TTC3: variants seen among roughly 807,000 people sequenced by gnomAD.
The protein encoded by TTC3 is E3 ubiquitin-protein ligase TTC3.
In TTC3, 180 loss-of-function variants were observed where a neutral mutation model predicts 249.6. The observed-to-expected ratio is 0.72, with a 90% CI of 0.64 to 0.82. TTC3 has a LOEUF of 0.82. Among genes scored for constraint, TTC3 ranks in the 40% least tolerant of loss-of-function variants. The probability of loss-of-function intolerance (pLI) is 0.00; values close to 1 mark genes in which losing one functional copy is unlikely to be tolerated. For missense variants in TTC3, 2,061 were observed against 2,398.4 expected, an observed-to-expected ratio of 0.86 and a Z score of 2.94; for synonymous variants, 717 against 805.0, an observed-to-expected ratio of 0.89 and a Z score of 1.85.
At chr21:37,099,116 G>A (rs560712013) in intron 10 of TTC3, 2 of 152,276 alleles carry the variant, frequency 1.3e-5, no homozygotes, top group East Asian at 3.9e-4. Context: ...TTAAAGTCTT[G>A]AATGCTAAAA....
At chr21:37,200,288 G>A (rs752129577) in exon 45 of TTC3, 7 of 1,614,072 alleles carry the variant, frequency 4.3e-6, no homozygotes, top group Admixed American at 1.7e-5. Flanking sequence ...CAAAAAACGT[G>A]CGTGTGCTCA....
intron 38 of TTC3, among the ~76,000 whole-genome samples, chr21:37,187,371 C>T (rs1457318995): frequency 1.3e-5 from 2 of 152,158 alleles, no homozygotes; most frequent in Non-Finnish European, 2.9e-5. Flanking sequence ...ATAGTGTACA[C>T]CAAATTTTGT....
intron 37 of TTC3, among the ~76,000 whole-genome samples, chr21:37,186,814 G>A (rs1459956079): frequency 2.6e-5 from 4 of 152,170 alleles, no homozygotes; most frequent in Non-Finnish European, 4.4e-5. Context: ...TTGATTCTCA[G>A]CATGCCCACC....
In TTC3 at chr21:37,097,907, G is replaced by T. The variant is rs929483053; in HGVS notation, c.845+1264G>T. ...ACATTTATTGTGTTTTTCTTTTATT[G>T]TAAACAGAACACATTCTCATGGTAG... On this transcript the variant is annotated intron_variant, in intron 10 of 45. Coordinates refer to ENST00000355666, the Ensembl canonical transcript of TTC3. The T allele has an allele frequency of 7.1e-6, 5 of 705,472 alleles. No individual in the cohort carries two copies. In the African/African-American group the frequency reaches 7.1e-5, roughly 10 times the overall value. 43.7% of individuals were successfully genotyped at this position (705,472 alleles called of 1,614,324 possible). A position where few individuals can be genotyped will look rare whatever the true frequency, so the allele number is the denominator to read the frequency against.
chr21:37,185,986 T>G (rs924305642), intron 37 of TTC3: 1 of 209,748 alleles, frequency 4.8e-6, no homozygotes. Flanking sequence ...ACAAGATTTC[T>G]GCATTTATTT....
At chr21:37,189,391 G>A (rs1289884477) in intron 39 of TTC3, among the ~76,000 whole-genome samples, 2 of 151,710 alleles carry the variant, frequency 1.3e-5, no homozygotes, top group Non-Finnish European at 2.9e-5. Context: ...GATTACAGGC[G>A]CGTGCCACAT....
chr21:37,111,063 A>G (rs1601509782), intron 11 of TTC3, among the ~76,000 whole-genome samples: 1 of 152,302 alleles, frequency 6.6e-6, no homozygotes, highest in East Asian at 1.9e-4. Context: ...AGCACTAAAC[A>G]TGGAAAGGAA....
At chr21:37,097,926 A>G (rs769750984) in intron 10 of TTC3, 70 of 713,164 alleles carry the variant, frequency 9.8e-5, no homozygotes, top group Non-Finnish European at 1.7e-4. Flanking sequence ...ACACATTCTC[A>G]TGGTAGAAAA....
chr21:37,132,318 C>A (rs2077533558), intron 16 of TTC3, among the ~76,000 whole-genome samples: 1 of 148,954 alleles, frequency 6.7e-6, no homozygotes, highest in Non-Finnish European at 1.5e-5. Context: ...AACTAATATT[C>A]AGATTCTATT....
chr21:37,108,808 C>T (rs2075329623), intron 11 of TTC3, among the ~76,000 whole-genome samples: 1 of 152,166 alleles, frequency 6.6e-6, no homozygotes, highest in Admixed American at 6.5e-5. Flanking sequence ...ACACACAGTG[C>T]ACAAATCAGC....
At chr21:37,096,160 A>G (rs952552353) in intron 9 of TTC3, among the ~76,000 whole-genome samples, 9 of 152,238 alleles carry the variant, frequency 5.9e-5, no homozygotes, top group Middle Eastern at 3.2e-3. Flanking sequence ...CTAAAAAACA[A>G]AAGTTCAAAT....
Position 37,087,084 on chromosome 21 carries a change from A to G in TTC3, c.-11-163A>G, listed in dbSNP as rs1601287993. The G allele has an allele frequency of 5.7e-6, 4 of 703,564 alleles. No homozygotes were observed. The East Asian group carries it at 1.1e-4, about 19-fold the overall frequency. 43.6% of individuals were successfully genotyped at this position (703,564 alleles called of 1,614,324 possible). A position where few individuals can be genotyped will look rare whatever the true frequency, so the allele number is the denominator to read the frequency against. On this transcript the variant is annotated intron_variant, in intron 1 of 45. Transcript: ENST00000355666. Reference sequence around the variant, plus strand: ...ATCTGGAGAGAGAGGAAAAGTCAGCAGAATGGGGACGAGAATCTTTCGGAG... The same window carrying G: ...ATCTGGAGAGAGAGGAAAAGTCAGCGGAATGGGGACGAGAATCTTTCGGAG...
chr21:37,110,723 T>C (rs1345970387), intron 11 of TTC3, among the ~76,000 whole-genome samples: 1 of 151,994 alleles, frequency 6.6e-6, no homozygotes, highest in African/African-American at 2.4e-5. Context: ...AGATACTCCT[T>C]GAGAAGAGCA....
chr21:37,085,436 C>T (rs2072322929), intron 1 of TTC3, among the ~76,000 whole-genome samples: 1 of 151,966 alleles, frequency 6.6e-6, no homozygotes, highest in African/African-American at 2.4e-5. Context: ...CTTGAATGGT[C>T]GAAGTGGAAA....
intron 19 of TTC3, among the ~76,000 whole-genome samples, chr21:37,139,555 C>CT (rs1242505052): frequency 6.6e-6 from 1 of 152,036 alleles, no homozygotes; most frequent in Admixed American, 6.6e-5. Flanking sequence ...TCTAAGTAGT[C>CT]TTTTACGTTC....
At chr21:37,201,912 G>A (rs2835666) in exon 46 of TTC3, 9,671 of 215,954 alleles carry the variant, frequency 0.045, 803 homozygotes, top group African/African-American at 0.15. Flanking sequence ...ATAGCCAAGC[G>A]CCCCACGTTT....
At position 37,166,546 on chromosome 21, in the gene TTC3, A is replaced by G. The variant is rs368548595; in HGVS notation, c.4332A>G (p.Lys1444=). 3.1e-6 allele frequency: 5 copies of G among 1,613,960 alleles called. No homozygotes were observed. In the African/African-American group the frequency reaches 6.7e-5, roughly 22 times the overall value. ...AGCACTGTGGAAATTCTAACAACAA[A>G]TGTGAAGTAATTCCAGAAAGCACCA... The change falls in exon 33 of 46, where the codon AAA becomes AAG. Residue 1444 remains lysine (K), a synonymous_variant. Coordinates refer to ENST00000355666, the Ensembl canonical transcript of TTC3.
At chr21:37,083,408 G>A in intron 1 of TTC3, 1 of 985,426 alleles carries the variant, frequency 1.0e-6, no homozygotes, top group Non-Finnish European at 1.2e-6. Flanking sequence ...TTTAGAGGAT[G>A]CCAAGATTGA....
chr21:37,136,704 A>C (rs150979153), intron 18 of TTC3, among the ~76,000 whole-genome samples: 156 of 152,364 alleles, frequency 1.0e-3, no homozygotes, highest in African/African-American at 3.5e-3. Flanking sequence ...AGTTATCGAG[A>C]TCTAGTGAAG....
Sources: gnomAD v4.1 joint callset for allele counts (sites outside exome capture counted in the v4.1 genomes callset) on GRCh38, gnomAD v4.1.1 for gene constraint, MANE v1.5 for transcripts, NCBI Gene and HGNC (gene_info 2026-07-23, HGNC 2026-07-21) for gene names.